HDAC9: variants seen among roughly 807,000 people sequenced by gnomAD.
HDAC9 encodes the protein histone deacetylase 9.
In HDAC9, 41 loss-of-function variants were observed where a neutral mutation model predicts 139.4. That is an observed-to-expected ratio of 0.29 (90% confidence interval 0.23 to 0.38). HDAC9 has a LOEUF of 0.38. Among genes scored for constraint, HDAC9 ranks in the 10% least tolerant of loss-of-function variants. The pLI, the probability that HDAC9 is intolerant of heterozygous loss-of-function variation, is 1.00. For synonymous variants in HDAC9, 517 were observed against 476.2 expected, an observed-to-expected ratio of 1.09 and a Z score of -1.12; for missense variants, 1,147 against 1,297.0, an observed-to-expected ratio of 0.88 and a Z score of 1.78.
At chr7:18,322,937 G>C (rs1460376448) in intron 1 of HDAC9, among the ~76,000 whole-genome samples, 1 of 152,040 alleles carries the variant, frequency 6.6e-6, no homozygotes. Context: ...GGGAAGAAAA[G>C]GTGCCTGGTT....
chr7:18,704,450 G>T (rs949620876), intron 12 of HDAC9, among the ~76,000 whole-genome samples: 1 of 152,164 alleles, frequency 6.6e-6, no homozygotes, highest in Non-Finnish European at 1.5e-5. Context: ...ATTTTAAGAA[G>T]CCATTCTAGG....
At chr7:18,691,665 T>C (rs968319462) in intron 12 of HDAC9, among the ~76,000 whole-genome samples, 1 of 152,258 alleles carries the variant, frequency 6.6e-6, no homozygotes, top group African/African-American at 2.4e-5. Flanking sequence ...AATTTTAACA[T>C]TTATGCATTC....
chr7:18,573,597 G>A (rs1224793832), intron 2 of HDAC9, among the ~76,000 whole-genome samples: 2 of 152,214 alleles, frequency 1.3e-5, no homozygotes, highest in Non-Finnish European at 2.9e-5. Flanking sequence ...GCGTGGAGCG[G>A]TGAGGGGTGT....
intron 2 of HDAC9, among the ~76,000 whole-genome samples, chr7:18,516,501 T>A (rs1803230161): frequency 6.6e-6 from 1 of 152,156 alleles, no homozygotes; most frequent in Non-Finnish European, 1.5e-5. Flanking sequence ...TCAACCTTCC[T>A]CTCACCTCCT....
intron 23 of HDAC9, among the ~76,000 whole-genome samples, chr7:18,940,113 T>C (rs971185170): frequency 2.0e-5 from 3 of 152,194 alleles, no homozygotes; most frequent in African/African-American, 7.2e-5. Context: ...GAATAATATG[T>C]ATTACATAAC....
At chr7:18,114,364 G>A (rs1374771516) in intron 1 of HDAC9, among the ~76,000 whole-genome samples, 1 of 152,180 alleles carries the variant, frequency 6.6e-6, no homozygotes, top group African/African-American at 2.4e-5. Context: ...ATCTATATTG[G>A]GAGACAGCAA....
intron 6 of HDAC9, among the ~76,000 whole-genome samples, chr7:18,597,231 C>T (rs959047496): frequency 6.6e-6 from 1 of 152,148 alleles, no homozygotes; most frequent in South Asian, 2.1e-4. Context: ...GACTTCTCCT[C>T]CTTTCACAAC....
chr7:18,568,211 A>G (rs1823105305), intron 2 of HDAC9, among the ~76,000 whole-genome samples: 1 of 151,972 alleles, frequency 6.6e-6, no homozygotes, highest in African/African-American at 2.4e-5. Flanking sequence ...AAAAAGAGAT[A>G]ATTTAGGAGA....
At chr7:18,478,738 A>G (rs1795321163) in intron 1 of HDAC9, among the ~76,000 whole-genome samples, 1 of 152,180 alleles carries the variant, frequency 6.6e-6, no homozygotes, top group Non-Finnish European at 1.5e-5. Context: ...TTGTAACAAA[A>G]TAAACTTTCA....
chr7:18,184,255 G>C (rs909083604), intron 2 of HDAC9, among the ~76,000 whole-genome samples: 1 of 152,122 alleles, frequency 6.6e-6, no homozygotes, highest in African/African-American at 2.4e-5. Flanking sequence ...GAAGTTAGCT[G>C]AGCGTTGCGG....
chr7:18,154,844 A>T (rs1304743357), intron 1 of HDAC9, among the ~76,000 whole-genome samples: 2 of 152,218 alleles, frequency 1.3e-5, no homozygotes. Context: ...ATCATAACCC[A>T]TGCCTCCACG....
intron 18 of HDAC9, 44 bp from the exon 19 acceptor site, chr7:18,829,417 G>A: frequency 7.2e-7 from 1 of 1,396,272 alleles, no homozygotes; most frequent in Non-Finnish European, 1.0e-6. Flanking sequence ...TGGTTTTCCT[G>A]GATGATTTGC....
intron 1 of HDAC9, among the ~76,000 whole-genome samples, chr7:18,407,624 T>C (rs1355433812): frequency 1.3e-5 from 2 of 152,300 alleles, no homozygotes; most frequent in East Asian, 3.9e-4. Flanking sequence ...CTTAATAACA[T>C]TACAATGCAG....
chr7:18,304,051 A>T (rs1798752445), intron 1 of HDAC9, among the ~76,000 whole-genome samples: 1 of 152,182 alleles, frequency 6.6e-6, no homozygotes, highest in African/African-American at 2.4e-5. Flanking sequence ...AGTCCCATAG[A>T]ATTTCGTTGA....
intron 2 of HDAC9, among the ~76,000 whole-genome samples, chr7:18,235,780 C>A (rs1322100234): frequency 2.0e-5 from 3 of 152,052 alleles, no homozygotes; most frequent in Non-Finnish European, 2.9e-5. Flanking sequence ...AAGAACTTAC[C>A]TAAGGTCACA....
At chr7:18,505,818 G>A (rs1032265032) in intron 2 of HDAC9, 11 of 152,154 alleles carry the variant, frequency 7.2e-5, no homozygotes, top group African/African-American at 2.7e-4. Flanking sequence ...ATAATTTATT[G>A]CCTTCCTAGG....
chr7:18,725,354 G>A (rs1785460142), intron 12 of HDAC9, among the ~76,000 whole-genome samples: 1 of 152,170 alleles, frequency 6.6e-6, no homozygotes, highest in African/African-American at 2.4e-5. Flanking sequence ...CTGATATTCA[G>A]TAGATAGTAT....
chr7:18,192,993 G>A (rs1031146571), intron 2 of HDAC9, among the ~76,000 whole-genome samples: 1 of 152,168 alleles, frequency 6.6e-6, no homozygotes, highest in African/African-American at 2.4e-5. Context: ...TCTCCTTGAG[G>A]CAGCTTATCT....
At chr7:18,688,829 A>T (rs539481956) in intron 12 of HDAC9, among the ~76,000 whole-genome samples, 143 of 151,928 alleles carry the variant, frequency 9.4e-4, no homozygotes, top group Non-Finnish European at 1.8e-3. Flanking sequence ...ATGGTTACAG[A>T]GAAAGGTTAA....
Sources: gnomAD v4.1 joint callset for allele counts (sites outside exome capture counted in the v4.1 genomes callset) on GRCh38, gnomAD v4.1.1 for gene constraint, MANE v1.5 for transcripts, NCBI Gene and HGNC (gene_info 2026-07-23, HGNC 2026-07-21) for gene names.